XPNPEP1: variants seen among roughly 807,000 people sequenced by gnomAD.
XPNPEP1 encodes the protein xaa-Pro aminopeptidase 1.
A neutral mutation model predicts 92.4 loss-of-function variants in XPNPEP1; 39 were observed. That is an observed-to-expected ratio of 0.42 (90% CI 0.33 to 0.55). The LOEUF (loss-of-function observed/expected upper bound fraction) is 0.55. Among genes scored for constraint, XPNPEP1 ranks in the 20% least tolerant of loss-of-function variants. The pLI is 0.08. For missense variants in XPNPEP1, 654 were observed against 856.1 expected, an observed-to-expected ratio of 0.76 and a Z score of 2.95; for synonymous variants, 307 against 299.4, an observed-to-expected ratio of 1.03 and a Z score of -0.26.
chr10:109,892,860 A>G, intron 4 of XPNPEP1, 152 bp downstream of exon 4: 1 of 702,574 alleles, frequency 1.4e-6, no homozygotes, highest in East Asian at 2.7e-5. Flanking sequence ...GCAGGGAAAG[A>G]CTGGGAACCC....
At chr10:109,870,958 A>C in intron 17 of XPNPEP1, 54 bp from the exon 18 acceptor site, 2 of 1,561,082 alleles carry the variant, frequency 1.3e-6, no homozygotes, top group Non-Finnish European at 1.7e-6. Context: ...TTAGAGATTA[A>C]ATTTATTATG....
At chr10:109,918,251 T>A (rs894130777) in intron 1 of XPNPEP1, among the ~76,000 whole-genome samples, 9 of 151,080 alleles carry the variant, frequency 6.0e-5, no homozygotes, top group Admixed American at 5.9e-4. Context: ...GCAAAACCCA[T>A]CTCTACAAAA....
intron 2 of XPNPEP1, among the ~76,000 whole-genome samples, chr10:109,911,897 A>G (rs1227271966): frequency 6.6e-6 from 1 of 152,238 alleles, no homozygotes; most frequent in Non-Finnish European, 1.5e-5. Context: ...CTGGGTGTTT[A>G]GTGCTGATTG....
At chr10:109,878,543 G>A (rs1409589754) in intron 12 of XPNPEP1, among the ~76,000 whole-genome samples, 1 of 152,120 alleles carries the variant, frequency 6.6e-6, no homozygotes. Flanking sequence ...AGGCCTCAAT[G>A]TACATGGAAA....
chr10:109,883,996 G>A (rs1848249278), intron 9 of XPNPEP1, 71 bp downstream of exon 9: 7 of 1,406,984 alleles, frequency 5.0e-6, no homozygotes, highest in Non-Finnish European at 5.9e-6. Context: ...GGGTGGGCCA[G>A]GACCAGAAAG....
At chr10:109,906,831 A>T (rs184442225) in intron 3 of XPNPEP1, among the ~76,000 whole-genome samples, 1 of 151,030 alleles carries the variant, frequency 6.6e-6, no homozygotes, top group East Asian at 1.9e-4. Context: ...ATTTACCCAA[A>T]CTCCACCCAT....
At chr10:109,874,039 C>G (rs1020242936) in intron 15 of XPNPEP1, among the ~76,000 whole-genome samples, 1 of 151,956 alleles carries the variant, frequency 6.6e-6, no homozygotes, top group African/African-American at 2.4e-5. Context: ...TGAAAATGTT[C>G]TAAAATTGAT....
intron 3 of XPNPEP1, among the ~76,000 whole-genome samples, chr10:109,902,142 T>C (rs897372139): frequency 6.6e-6 from 1 of 152,216 alleles, no homozygotes; most frequent in African/African-American, 2.4e-5. Flanking sequence ...GCTTACCTAT[T>C]ATTTAATCTC....
rs547447277 is a variant in XPNPEP1, at chr10:109,902,093, A to T, written c.246+5598T>A. Among the ~76,000 whole-genome samples the T allele has an allele frequency of 4.3e-4, 66 of 152,342 alleles. 1 individual carries two copies. The South Asian group carries it at 5.4e-3, about 12-fold the overall frequency. On this transcript the variant is annotated intron_variant, in intron 3 of 20. Coordinates refer to ENST00000502935, the MANE Select transcript of XPNPEP1 (RefSeq NM_020383.4). ...TGCTAATGAGGTCCTTTCCCATGACATTCACCAGTTTCTTTTTGTGTTCTC... is the reference window on the plus strand; with the variant it reads ...TGCTAATGAGGTCCTTTCCCATGACTTTCACCAGTTTCTTTTTGTGTTCTC...
chr10:109,919,956 C>T (rs1198796167), intron 1 of XPNPEP1, among the ~76,000 whole-genome samples: 4 of 151,916 alleles, frequency 2.6e-5, no homozygotes, highest in African/African-American at 4.8e-5. Context: ...CACTTGAACC[C>T]GGGAGGTGGA....
chr10:109,870,830 C>T lies in XPNPEP1; in HGVS notation c.1597G>A (p.Gly533Ser). The T allele has an allele frequency of 6.2e-7, 1 of 1,614,142 alleles. No individual in the cohort carries two copies. The change falls in exon 18 of 21, where the codon GGT (glycine) becomes AGT (serine). Residue 533 changes from glycine (G) to serine (S), a missense_variant. Physicochemically the swap from Gly to Ser is moderately conservative, Grantham distance 56 (BLOSUM62 0). Coordinates refer to ENST00000502935, the MANE Select transcript of XPNPEP1 (RefSeq NM_020383.4). ...TGGACATTCAAAAAAGACCCAACAC[C>T]ATGTCCAGTCCCGTGCAAGTAATCT... ...GLDYLHGTGH[G>S]VGSFLNVHEG...
chr10:109,919,800 G>A (rs1368310392), intron 1 of XPNPEP1, among the ~76,000 whole-genome samples: 1 of 152,216 alleles, frequency 6.6e-6, no homozygotes, highest in Non-Finnish European at 1.5e-5. Flanking sequence ...TTGGGAGGCT[G>A]AGACGGGCAG....
chr10:109,871,044 GA>G, intron 17 of XPNPEP1, 140 bp from the exon 18 acceptor site: 1 of 948,944 alleles, frequency 1.1e-6, no homozygotes, highest in South Asian at 2.1e-5. Flanking sequence ...GCACAAGGAA[GA>G]ACTTTCTAAC....
chr10:109,911,419 G>A (rs7899805), intron 2 of XPNPEP1, among the ~76,000 whole-genome samples: 48,020 of 151,836 alleles, frequency 0.32, 8,179 homozygotes, highest in Admixed American at 0.46. Flanking sequence ...CTATCCTTTC[G>A]TCTAATCTAC....
At chr10:109,908,260 C>T (rs1452628665) in intron 2 of XPNPEP1, among the ~76,000 whole-genome samples, 1 of 152,226 alleles carries the variant, frequency 6.6e-6, no homozygotes, top group Non-Finnish European at 1.5e-5. Flanking sequence ...ATTACATAGA[C>T]TTATATATTT....
chr10:109,896,702 T>C (rs143137487), intron 3 of XPNPEP1, among the ~76,000 whole-genome samples: 2 of 152,140 alleles, frequency 1.3e-5, no homozygotes, highest in Non-Finnish European at 2.9e-5. Flanking sequence ...GGTGACTAGA[T>C]CCTCAACCCA....
intron 1 of XPNPEP1, among the ~76,000 whole-genome samples, chr10:109,919,338 C>T (rs1453842465): frequency 6.6e-6 from 1 of 152,186 alleles, no homozygotes; most frequent in Non-Finnish European, 1.5e-5. Context: ...ATAGACATTT[C>T]TCCAGCAAAA....
At chr10:109,909,010 C>G (rs1467521905) in intron 2 of XPNPEP1, among the ~76,000 whole-genome samples, 1 of 150,040 alleles carries the variant, frequency 6.7e-6, no homozygotes, top group African/African-American at 2.5e-5. Flanking sequence ...GTGGCTCACA[C>G]CTGTAATCCC....
intron 3 of XPNPEP1, among the ~76,000 whole-genome samples, chr10:109,903,474 G>A (rs1849395278): frequency 6.6e-6 from 1 of 152,166 alleles, no homozygotes; most frequent in South Asian, 2.1e-4. Context: ...ACCACCATCT[G>A]CTCAACACTA....
Sources: gnomAD v4.1 joint callset for allele counts (sites outside exome capture counted in the v4.1 genomes callset) on GRCh38, gnomAD v4.1.1 for gene constraint, MANE v1.5 for transcripts, NCBI Gene and HGNC (gene_info 2026-07-23, HGNC 2026-07-21) for gene names.